GNAL: variants seen among roughly 807,000 people sequenced by gnomAD.
GNAL encodes guanine nucleotide-binding protein G(olf) subunit alpha.
GNAL carries 18 observed loss-of-function variants against 55.1 expected under a neutral mutation model. That is an observed-to-expected ratio of 0.33 (90% CI 0.23 to 0.48). The LOEUF is 0.48. GNAL is among the 20% of genes least tolerant of loss of function. GNAL has a pLI of 0.99. For synonymous variants in GNAL, 253 were observed against 237.0 expected, an observed-to-expected ratio of 1.07 and a Z score of -0.62; for missense variants, 412 against 614.1, an observed-to-expected ratio of 0.67 and a Z score of 3.48.
At chr18:11,711,803 G>A (rs1195434468) in intron 1 of GNAL, among the ~76,000 whole-genome samples, 3 of 152,136 alleles carry the variant, frequency 2.0e-5, no homozygotes, top group Non-Finnish European at 2.9e-5. Context: ...ATAGCTTTAT[G>A]TTGGTATCTG....
intron 1 of GNAL, among the ~76,000 whole-genome samples, chr18:11,732,641 G>T (rs1282076067): frequency 6.6e-6 from 1 of 152,188 alleles, no homozygotes; most frequent in Non-Finnish European, 1.5e-5. Context: ...CATTTCAATT[G>T]TGTTGTATGT....
intron 1 of GNAL, among the ~76,000 whole-genome samples, chr18:11,717,549 T>G (rs9960897): frequency 6.6e-6 from 1 of 152,186 alleles, no homozygotes; most frequent in African/African-American, 2.4e-5. Context: ...ACTAAATGTC[T>G]GTTGTGGTAG....
chr18:11,881,060 G>A lies in GNAL; in HGVS notation c.1302G>A (p.Glu434=), dbSNP rs1439779598. 1 of 1,613,842 alleles carries A rather than the reference G, an allele frequency of 6.2e-7. No homozygotes were observed. Among genetic ancestry groups the A allele is most frequent in the South Asian group, 1.1e-5 (1 of 91,034 alleles). ...YPHFTCAVDT[E]NIRRVFNDCR... is the part of the protein sequence containing the mutation. ...ACTTCACCTGCGCCGTGGACACAGA[G>A]AACATCCGCAGGGTGTTCAACGACT... The change falls in exon 12 of 12, where the codon GAG becomes GAA. Residue 434 remains glutamate, a synonymous_variant. Coordinates refer to ENST00000334049, the MANE Select transcript of GNAL (RefSeq NM_182978.4). This position sits in a 1 kb window ranked among gnomAD's most constrained non-coding sequence, Gnocchi z 4.8.
intron 1 of GNAL, among the ~76,000 whole-genome samples, chr18:11,738,507 C>G (rs924406465): frequency 6.6e-6 from 1 of 152,074 alleles, no homozygotes; most frequent in Non-Finnish European, 1.5e-5. Flanking sequence ...GCCCCAGCTT[C>G]CCCTATCTCA....
At chr18:11,816,784 A>C (rs956032929) in intron 4 of GNAL, among the ~76,000 whole-genome samples, 7 of 151,014 alleles carry the variant, frequency 4.6e-5, no homozygotes, top group Non-Finnish European at 8.8e-5. Context: ...ACTGCACTCC[A>C]ACCTGGGCGA....
chr18:11,874,651 GAA>G (rs566156147), intron 10 of GNAL, among the ~76,000 whole-genome samples: 4 of 129,732 alleles, frequency 3.1e-5, no homozygotes, highest in Non-Finnish European at 6.6e-5. Flanking sequence ...TTAGTCTCAA[GAA>G]AAAAAAAAAG....
intron 11 of GNAL, among the ~76,000 whole-genome samples, chr18:11,879,286 G>T (rs187433803): frequency 6.6e-6 from 1 of 151,880 alleles, no homozygotes; most frequent in Admixed American, 6.6e-5. Context: ...CTCTCTAAAG[G>T]CTGTTTCCCA....
At chr18:11,708,988 TAAGATA>T (rs1015423244) in intron 1 of GNAL, among the ~76,000 whole-genome samples, 2 of 152,234 alleles carry the variant, frequency 1.3e-5, no homozygotes, top group African/African-American at 4.8e-5. Flanking sequence ...GTGTGTAGTG[TAAGATA>T]AAGTTCCAAT....
chr18:11,787,823 A>G (rs1280826138), intron 4 of GNAL, among the ~76,000 whole-genome samples: 1 of 151,790 alleles, frequency 6.6e-6, no homozygotes, highest in African/African-American at 2.4e-5. Flanking sequence ...GCAGTGAGCC[A>G]AGATTGCACC....
rs1164391225 is a variant in GNAL, at chr18:11,868,322, C to T, written c.911-221C>T. On this transcript the variant is annotated intron_variant, in intron 8 of 11. Transcript: ENST00000334049. This position sits in a 1 kb window ranked among gnomAD's most constrained non-coding sequence, Gnocchi z 4.0. The stretch of plus-strand genomic sequence containing the variant: ...TCTCAAAAAAAAAAAAGCACTTAAG[C>T]ATCCCAAATTTACATGTGTCTTTTG... Among the ~76,000 whole-genome samples, 5 of 151,816 alleles carry T rather than the reference C, an allele frequency of 3.3e-5. No homozygotes were observed. The highest frequency in any genetic ancestry group is 3.3e-4 in the Admixed American group (5 of 15,236).
intron 8 of GNAL, among the ~76,000 whole-genome samples, chr18:11,867,610 C>T (rs1298340546): frequency 2.0e-5 from 3 of 151,098 alleles, no homozygotes; most frequent in South Asian, 2.1e-4. Flanking sequence ...GTCAGGAGAT[C>T]GAGACCATCC....
At position 11,727,443 on chromosome 18, in the gene GNAL, T is replaced by TA. The variant is rs555269759; in HGVS notation, c.377-25404dup. ...GCAAGAGACCCCTCTCTACAAAAAA[T>TA]AAAAAATTTCCTGGGCATGGTGGTG... On this transcript the variant is annotated intron_variant, in intron 1 of 11. Transcript: ENST00000334049. Among the ~76,000 whole-genome samples, 677 of 152,212 alleles carry TA rather than the reference T, an allele frequency of 4.4e-3. 1 individual carries two copies. Among genetic ancestry groups the TA allele is most frequent in the African/African-American group, 0.015 (630 of 41,526 alleles).
intron 4 of GNAL, among the ~76,000 whole-genome samples, chr18:11,800,192 G>C (rs1412458808): frequency 6.6e-6 from 1 of 152,172 alleles, no homozygotes; most frequent in Non-Finnish European, 1.5e-5. Flanking sequence ...TAGGCAGTCA[G>C]ATTGGTGGAT....
intron 4 of GNAL, among the ~76,000 whole-genome samples, chr18:11,760,394 T>C (rs2033202224): frequency 1.3e-5 from 2 of 152,258 alleles, no homozygotes; most frequent in South Asian, 4.1e-4. Flanking sequence ...GTCTGGTGCA[T>C]GTTTTATGGG....
intron 5 of GNAL, among the ~76,000 whole-genome samples, chr18:11,861,441 C>T (rs922793961): frequency 1.3e-5 from 2 of 152,226 alleles, no homozygotes; most frequent in Non-Finnish European, 2.9e-5. Flanking sequence ...TTCATTCCAC[C>T]ATATTTACTG....
chr18:11,872,793 C>T (rs141931271), intron 10 of GNAL, among the ~76,000 whole-genome samples: 8 of 152,244 alleles, frequency 5.3e-5, no homozygotes, highest in Non-Finnish European at 7.4e-5. Context: ...TATTTTTTCC[C>T]GTGGAAAGAG....
intron 1 of GNAL, among the ~76,000 whole-genome samples, chr18:11,733,449 A>G (rs775541261): frequency 5.9e-5 from 9 of 152,214 alleles, no homozygotes; most frequent in Non-Finnish European, 7.3e-5. Flanking sequence ...GCTGGAGCTA[A>G]ACGGCAGCAA....
intron 4 of GNAL, among the ~76,000 whole-genome samples, chr18:11,769,184 A>G (rs1568018980): frequency 8.7e-6 from 1 of 115,074 alleles, no homozygotes; most frequent in South Asian, 3.1e-4. Flanking sequence ...TATAATATAG[A>G]TTATATAAAT....
intron 5 of GNAL, among the ~76,000 whole-genome samples, chr18:11,858,775 G>A (rs1200341655): frequency 6.6e-6 from 1 of 152,158 alleles, no homozygotes; most frequent in Non-Finnish European, 1.5e-5. Context: ...CAACAAATCA[G>A]AAGCAGCTCT....
Sources: gnomAD v4.1 joint callset for allele counts (sites outside exome capture counted in the v4.1 genomes callset) on GRCh38, gnomAD v4.1.1 for gene constraint, Gnocchi (gnomAD v3.1) non-coding constraint, MANE v1.5 for transcripts, NCBI Gene and HGNC (gene_info 2026-07-23, HGNC 2026-07-21) for gene names.